DMD: variants seen among roughly 807,000 people sequenced by gnomAD.
DMD encodes dystrophin.
Under a neutral mutation model 330.1 loss-of-function variants are expected in DMD, and 63 were observed. The ratio of observed to expected loss-of-function variants is 0.19; its 90% CI spans 0.16 to 0.24. DMD has a LOEUF of 0.24. Among genes scored for constraint, DMD ranks in the 10% least tolerant of loss-of-function variants. DMD has a pLI of 1.00. For synonymous variants in DMD, 1,223 were observed against 959.8 expected (o/e 1.27, Z -5.07); for missense variants, 3,344 against 2,684.1 (o/e 1.25, Z -5.43).
At chrX:31,442,467 C>T (rs1169414169) in intron 60 of DMD, among the ~76,000 whole-genome samples, 1 of 110,382 alleles carries the variant, frequency 9.1e-6, no homozygotes, top group African/African-American at 3.3e-5. Context: ...AGAATGGCTA[C>T]ATAGTAAGCT....
At chrX:32,089,641 G>A (rs942293126) in intron 44 of DMD, among the ~76,000 whole-genome samples, 4 of 111,971 alleles carry the variant, frequency 3.6e-5, no homozygotes, top group Non-Finnish European at 7.5e-5. Context: ...TGGCCACATA[G>A]TATTCCATGG....
At chrX:31,412,549 G>A (rs1278278575) in intron 60 of DMD, among the ~76,000 whole-genome samples, 2 of 111,814 alleles carry the variant, frequency 1.8e-5, no homozygotes, top group Non-Finnish European at 3.8e-5. Flanking sequence ...CCATGTTGCT[G>A]GGGGCTGGAA....
At chrX:32,766,916 G>A (rs2073062928) in intron 7 of DMD, among the ~76,000 whole-genome samples, 1 of 110,712 alleles carries the variant, frequency 9.0e-6, no homozygotes, top group Non-Finnish European at 1.9e-5. Flanking sequence ...AATAAAAAGA[G>A]GCATATAAAA....
chrX:33,138,556 TCTA>T (rs1472677443), intron 1 of DMD, among the ~76,000 whole-genome samples: 1 of 111,942 alleles, frequency 8.9e-6, no homozygotes, highest in African/African-American at 3.2e-5. Context: ...TCTGTATCTG[TCTA>T]CTTTTATTTT....
intron 30 of DMD, among the ~76,000 whole-genome samples, chrX:32,405,303 A>G (rs773244308): frequency 8.1e-5 from 9 of 111,736 alleles, no homozygotes; most frequent in Non-Finnish European, 1.7e-4. Context: ...GCTTCAATAT[A>G]TAGTTCTGAA....
At chrX:32,641,168 G>A (rs917286110) in intron 11 of DMD, among the ~76,000 whole-genome samples, 3 of 110,734 alleles carry the variant, frequency 2.7e-5, no homozygotes, top group African/African-American at 9.8e-5. Context: ...GTCTAAAGTA[G>A]CCTCCCCTCA....
At chrX:33,337,891 A>G (rs1220437696) in intron 1 of DMD, among the ~76,000 whole-genome samples, 1 of 112,016 alleles carries the variant, frequency 8.9e-6, no homozygotes. Flanking sequence ...CAATTACTAC[A>G]GAAAAGGCAC....
In DMD at chrX:31,444,518, G is replaced by A; in HGVS notation, c.9047C>T (p.Thr3016Ile). The A allele has an allele frequency of 8.3e-7, 1 of 1,211,895 alleles. No individual in the cohort carries two copies. The highest frequency in any genetic ancestry group is 1.1e-6 in the Non-Finnish European group (1 of 895,502). Residue 3016 changes from threonine to isoleucine, a missense_variant, in exon 60 of 79, where the codon ACT (threonine) becomes ATT (isoleucine). Thr to Ile is a moderately conservative substitution (Grantham distance 89). Coordinates refer to ENST00000357033, the MANE Select transcript of DMD (RefSeq NM_004006.3). The part of the protein sequence containing the change: ...GIQLSPYNLS[T>I]LEDLNTRWKL... ...CCATCTGGTGTTCAGGTCTTCCAGA[G>A]TGCTGAGGTTATACGGTGAGAGCTG...
chrX:32,831,935 T>A lies in DMD; in HGVS notation c.265-8548A>T, dbSNP rs571678833. On this transcript the variant is annotated intron_variant, in intron 4 of 78. Transcript: ENST00000357033. Reference sequence around the variant, plus strand: ...ATGGTGTCTGCCTCTTCTTGCCTTTTTAGACAACCAGTGACAAGGACATTT... The same window carrying A: ...ATGGTGTCTGCCTCTTCTTGCCTTTATAGACAACCAGTGACAAGGACATTT... Among the ~76,000 whole-genome samples, 27 of 110,841 alleles carry A rather than the reference T, an allele frequency of 2.4e-4. 1 individual carries two copies. The highest frequency in any genetic ancestry group is 8.2e-4 in the African/African-American group (25 of 30,615).
chrX:31,377,560 T>C (rs2148696908), intron 60 of DMD, among the ~76,000 whole-genome samples: 1 of 112,537 alleles, frequency 8.9e-6, no homozygotes, highest in South Asian at 3.7e-4. Flanking sequence ...GTCAGCCTAA[T>C]GTAATGGTTA....
intron 74 of DMD, among the ~76,000 whole-genome samples, chrX:31,159,270 C>T (rs781408819): frequency 8.0e-4 from 89 of 111,361 alleles, no homozygotes; most frequent in Non-Finnish European, 1.2e-3. Flanking sequence ...ATGCTCACTG[C>T]TAAAGCTAAA....
chrX:32,728,587 G>A (rs1284688550), intron 7 of DMD, among the ~76,000 whole-genome samples: 4 of 112,142 alleles, frequency 3.6e-5, no homozygotes, highest in African/African-American at 1.3e-4. Context: ...GAGTTAAATT[G>A]TGTTAGCAAC....
At chrX:31,660,874 G>A (rs1188447745) in intron 53 of DMD, among the ~76,000 whole-genome samples, 1 of 111,300 alleles carries the variant, frequency 9.0e-6, no homozygotes, top group African/African-American at 3.3e-5. Context: ...ATAATTTTAT[G>A]CAGTTTTTGT....
intron 7 of DMD, among the ~76,000 whole-genome samples, chrX:32,725,844 T>C (rs2066817000): frequency 9.0e-6 from 1 of 111,187 alleles, no homozygotes; most frequent in Non-Finnish European, 1.9e-5. Flanking sequence ...TTGGATTGTT[T>C]ATAACACAAA....
intron 61 of DMD, among the ~76,000 whole-genome samples, chrX:31,341,882 TGCGC>T (rs764854573): frequency 3.6e-5 from 3 of 82,687 alleles, no homozygotes; most frequent in African/African-American, 1.0e-4. Context: ...CGCGCGTGCG[TGCGC>T]GCGCGCACAC....
At chrX:32,925,845 T>C (rs187907478) in intron 2 of DMD, among the ~76,000 whole-genome samples, 1 of 112,109 alleles carries the variant, frequency 8.9e-6, no homozygotes, top group Admixed American at 9.5e-5. Context: ...ATTAAGCTGA[T>C]TTGGCCATTG....
chrX:32,785,188 G>C (rs2075243064), intron 7 of DMD, among the ~76,000 whole-genome samples: 1 of 103,302 alleles, frequency 9.7e-6, no homozygotes, highest in African/African-American at 3.8e-5. Flanking sequence ...AAATGCTCGT[G>C]CTCTATAAAA....
chrX:32,219,083 A>T (rs1417243483), intron 43 of DMD, among the ~76,000 whole-genome samples: 2 of 112,151 alleles, frequency 1.8e-5, no homozygotes, highest in Non-Finnish European at 1.9e-5. Context: ...AAAAAAGGCA[A>T]CCGAAGGTAG....
intron 2 of DMD, among the ~76,000 whole-genome samples, chrX:32,918,882 T>C (rs2088110263): frequency 8.9e-6 from 1 of 111,734 alleles, no homozygotes; most frequent in Non-Finnish European, 1.9e-5. Flanking sequence ...TTACAGGTGC[T>C]ACAGAAGAAT....
Sources: gnomAD v4.1 joint callset for allele counts (sites outside exome capture counted in the v4.1 genomes callset) on GRCh38, gnomAD v4.1.1 for gene constraint, MANE v1.5 for transcripts, NCBI Gene and HGNC (gene_info 2026-07-23, HGNC 2026-07-21) for gene names.